The following MYO3B variants were observed in gnomAD, a reference collection of about 807,000 sequenced individuals.
The protein encoded by MYO3B is myosin IIIB.
MYO3B carries 156 observed loss-of-function variants against 174.6 expected under a neutral mutation model. That is an observed-to-expected ratio of 0.89 (90% CI 0.78 to 1.02). The LOEUF (loss-of-function observed/expected upper bound fraction) is 1.02. MYO3B is among the 50% of genes least tolerant of loss of function. MYO3B has a pLI of 0.00. For missense variants in MYO3B, 1,632 were observed against 1,639.4 expected, an observed-to-expected ratio of 1.00 and a Z score of 0.08; for synonymous variants, 563 against 569.1, an observed-to-expected ratio of 0.99 and a Z score of 0.15.
In MYO3B at chr2:170,402,704, T is replaced by C. The variant is rs372989668; in HGVS notation, c.2130-144T>C. On this transcript the variant is annotated intron_variant, in intron 18 of 34. Coordinates refer to ENST00000408978, the MANE Select transcript of MYO3B (RefSeq NM_138995.5). ...AATAGTTTGAGACATAAACTGCTTCTTTTCTTAGGGGTGGCAGGATGCTGC... is the reference window on the plus strand; with the variant it reads ...AATAGTTTGAGACATAAACTGCTTCCTTTCTTAGGGGTGGCAGGATGCTGC... 1.1e-5 allele frequency: 7 copies of C among 635,976 alleles called. No individual in the cohort carries two copies. In the South Asian group the frequency reaches 4.0e-4, roughly 37 times the overall value. 39.4% of individuals were successfully genotyped at this position (635,976 alleles called of 1,614,324 possible).
At chr2:170,424,419 C>A (rs1266556789) in intron 22 of MYO3B, among the ~76,000 whole-genome samples, 1 of 152,110 alleles carries the variant, frequency 6.6e-6, no homozygotes, top group Non-Finnish European at 1.5e-5. Context: ...GAGTTTGAGA[C>A]CAGCTTGGCC....
chr2:170,527,600 T>C (rs76838403), intron 30 of MYO3B, among the ~76,000 whole-genome samples: 1 of 152,144 alleles, frequency 6.6e-6, no homozygotes, highest in Non-Finnish European at 1.5e-5. Context: ...TTTGATTCTC[T>C]CCCGCTGTCT....
chr2:170,252,942 T>A (rs1211078797), intron 7 of MYO3B, among the ~76,000 whole-genome samples: 1 of 152,154 alleles, frequency 6.6e-6, no homozygotes, highest in East Asian at 1.9e-4. Context: ...GAGTGGTAGA[T>A]GATGATGCCC....
intron 7 of MYO3B, among the ~76,000 whole-genome samples, chr2:170,298,678 CAAAA>C (rs71399527): frequency 6.3e-5 from 4 of 63,338 alleles, no homozygotes; most frequent in Non-Finnish European, 3.3e-5. Context: ...GACTCTGTCT[CAAAA>C]AAAAAAAAAA....
At chr2:170,256,340 C>A (rs541318796) in intron 7 of MYO3B, among the ~76,000 whole-genome samples, 1 of 152,120 alleles carries the variant, frequency 6.6e-6, no homozygotes, top group Non-Finnish European at 1.5e-5. Flanking sequence ...AGTAATCAGA[C>A]TTTTCAAGGT....
intron 30 of MYO3B, among the ~76,000 whole-genome samples, chr2:170,537,194 C>G (rs1422073709): frequency 2.9e-5 from 3 of 103,244 alleles, no homozygotes; most frequent in Admixed American, 1.1e-4. Flanking sequence ...GTGCGAGACT[C>G]TGTCTCAAAA....
At chr2:170,299,392 AG>A (rs1378149417) in intron 7 of MYO3B, among the ~76,000 whole-genome samples, 1 of 152,190 alleles carries the variant, frequency 6.6e-6, no homozygotes, top group African/African-American at 2.4e-5. Flanking sequence ...CTGATATCAC[AG>A]TCACCTTCAC....
chr2:170,651,971 C>G, intron 33 of MYO3B, 137 bp from the exon 34 acceptor site: 1 of 815,316 alleles, frequency 1.2e-6, no homozygotes, highest in Non-Finnish European at 1.8e-6. Flanking sequence ...CTCACTTGAG[C>G]CCTTTGATCA....
intron 8 of MYO3B, among the ~76,000 whole-genome samples, chr2:170,368,048 T>C (rs2094211720): frequency 6.6e-6 from 1 of 152,252 alleles, no homozygotes; most frequent in African/African-American, 2.4e-5. Flanking sequence ...GATATGAAAG[T>C]GTTTTGAACT....
chr2:170,323,479 T>C (rs2093843714), intron 7 of MYO3B, among the ~76,000 whole-genome samples: 1 of 152,224 alleles, frequency 6.6e-6, no homozygotes, highest in African/African-American at 2.4e-5. Context: ...TCCCCATTAA[T>C]ATGATATAAA....
In MYO3B at chr2:170,325,858, A is replaced by G. The variant is rs145761667; in HGVS notation, c.750-9527A>G. ...AGTCCACTCCCTGCAGATGAAAGCT[A>G]CATTCTCCAAGATCAGTTCTATCTA... On this transcript the variant is annotated intron_variant, in intron 7 of 34. Coordinates refer to ENST00000408978, the MANE Select transcript of MYO3B (RefSeq NM_138995.5). Among the ~76,000 whole-genome samples the G allele has an allele frequency of 9.0e-3, 1,370 of 152,282 alleles. 14 individuals carry two copies. Among genetic ancestry groups the G allele is most frequent in the Non-Finnish European group, 0.014 (928 of 68,022 alleles).
intron 1 of MYO3B, among the ~76,000 whole-genome samples, chr2:170,195,357 G>A (rs1266263777): frequency 1.3e-5 from 2 of 152,112 alleles, no homozygotes; most frequent in African/African-American, 2.4e-5. Flanking sequence ...ACGGCAGAAC[G>A]GCACAGCAGA....
At chr2:170,563,668 A>C (rs1478688803) in intron 32 of MYO3B, among the ~76,000 whole-genome samples, 1 of 152,204 alleles carries the variant, frequency 6.6e-6, no homozygotes, top group East Asian at 1.9e-4. Flanking sequence ...TCCTCATATC[A>C]CCAGAAGTCC....
intron 24 of MYO3B, among the ~76,000 whole-genome samples, chr2:170,464,009 T>G (rs762098882): frequency 6.6e-6 from 1 of 152,164 alleles, no homozygotes; most frequent in Non-Finnish European, 1.5e-5. Context: ...GCGTTAGAGT[T>G]GGAAGGCCCT....
At chr2:170,575,978 C>T (rs1692758866) in intron 32 of MYO3B, among the ~76,000 whole-genome samples, 1 of 152,110 alleles carries the variant, frequency 6.6e-6, no homozygotes, top group African/African-American at 2.4e-5. Flanking sequence ...GAAATAAAGA[C>T]TCCAAAAACT....
chr2:170,353,106 G>A (rs959658216), intron 8 of MYO3B, among the ~76,000 whole-genome samples: 1 of 152,168 alleles, frequency 6.6e-6, no homozygotes, highest in Non-Finnish European at 1.5e-5. Context: ...ATCTGCACAT[G>A]AATGTTTATC....
chr2:170,269,110 C>T (rs969107727), intron 7 of MYO3B, among the ~76,000 whole-genome samples: 4 of 152,178 alleles, frequency 2.6e-5, no homozygotes, highest in Admixed American at 2.0e-4. Context: ...TGGTTGTACA[C>T]CTTACAGGCT....
chr2:170,302,416 C>T (rs1213818671), intron 7 of MYO3B, among the ~76,000 whole-genome samples: 2 of 152,124 alleles, frequency 1.3e-5, no homozygotes, highest in African/African-American at 2.4e-5. Context: ...ATTGAAATGA[C>T]CAGCTGGGGC....
At chr2:170,569,795 A>G in intron 32 of MYO3B, among the ~76,000 whole-genome samples, 1 of 143,836 alleles carries the variant, frequency 7.0e-6, no homozygotes, top group Non-Finnish European at 1.5e-5. Flanking sequence ...CCTGGGGCGG[A>G]GGTTTCAGTG....
Sources: gnomAD v4.1 joint callset for allele counts (sites outside exome capture counted in the v4.1 genomes callset) on GRCh38, gnomAD v4.1.1 for gene constraint, MANE v1.5 for transcripts, NCBI Gene and HGNC (gene_info 2026-07-23, HGNC 2026-07-21) for gene names.